The following OTUD7B variants were observed in gnomAD, a reference collection of about 807,000 sequenced individuals.
OTUD7B encodes OTU deubiquitinase 7B.
In OTUD7B, 34 loss-of-function variants were observed where a neutral mutation model predicts 82.2. That is an observed-to-expected ratio of 0.41 (90% CI 0.31 to 0.55). OTUD7B has a LOEUF of 0.55. Ranked by LOEUF, OTUD7B falls within the 20% of genes least tolerant of loss-of-function variation. The probability of loss-of-function intolerance (pLI) is 0.20; values close to 1 mark genes in which losing one functional copy is unlikely to be tolerated. For missense variants in OTUD7B, 944 were observed against 1,062.1 expected, an observed-to-expected ratio of 0.89 and a Z score of 1.55; for synonymous variants, 398 against 402.7, an observed-to-expected ratio of 0.99 and a Z score of 0.14.
chr1:150,036,930 C>A, the OTUD7B span, among the ~76,000 whole-genome samples: 2 of 152,104 alleles, frequency 1.3e-5, no homozygotes, highest in African/African-American at 4.8e-5. Context: ...CTAGTAAGAT[C>A]TAAATGGAAG....
intron 1 of OTUD7B, among the ~76,000 whole-genome samples, chr1:149,985,956 T>C (rs1651105543): frequency 6.6e-6 from 1 of 152,138 alleles, no homozygotes. Flanking sequence ...TCACCTCTTC[T>C]TTAAAACTAA....
chr1:150,063,426 G>C, the OTUD7B span, among the ~76,000 whole-genome samples: 5 of 152,158 alleles, frequency 3.3e-5, no homozygotes, highest in Non-Finnish European at 2.9e-5. Context: ...CTCCAGCCTG[G>C]GTGACAGAGC....
chr1:150,052,781 G>C, the OTUD7B span, among the ~76,000 whole-genome samples: 1 of 150,440 alleles, frequency 6.6e-6, no homozygotes, highest in Non-Finnish European at 1.5e-5. Context: ...AAAACAGCAT[G>C]GTACTGGTAA....
chr1:150,028,811 C>T, the OTUD7B span, among the ~76,000 whole-genome samples: 1 of 152,214 alleles, frequency 6.6e-6, no homozygotes, highest in African/African-American at 2.4e-5. Context: ...GCTGGGATTA[C>T]AGGCGTGAGC....
intron 11 of OTUD7B, among the ~76,000 whole-genome samples, chr1:149,946,277 C>T (rs1322824442): frequency 3.3e-5 from 5 of 151,698 alleles, no homozygotes; most frequent in African/African-American, 9.7e-5. Flanking sequence ...GCAGGAGAAT[C>T]GCTTGAACCC....
At chr1:150,015,587 G>A (rs1653243965), upstream of OTUD7B, among the ~76,000 whole-genome samples, 1 of 152,080 alleles carries the variant, frequency 6.6e-6, no homozygotes, top group Non-Finnish European at 1.5e-5. Context: ...GACATTACAA[G>A]TGTGAGCCAC....
intron 10 of OTUD7B, among the ~76,000 whole-genome samples, chr1:149,948,061 C>T (rs1647889121): frequency 6.6e-6 from 1 of 152,200 alleles, no homozygotes; most frequent in Non-Finnish European, 1.5e-5. Flanking sequence ...CTCACTGCAA[C>T]CTCCGCCTCC....
chr1:149,950,584 T>C (rs73008175), intron 7 of OTUD7B, among the ~76,000 whole-genome samples: 31 of 152,268 alleles, frequency 2.0e-4, no homozygotes, highest in African/African-American at 7.2e-4. Context: ...TTATTTTATA[T>C]ACTACAGCCA....
At chr1:150,040,174 T>C in the OTUD7B span, among the ~76,000 whole-genome samples, 1 of 152,194 alleles carries the variant, frequency 6.6e-6, no homozygotes. Context: ...TTATCAGGAA[T>C]GGGAGTTAAA....
intron 1 of OTUD7B, among the ~76,000 whole-genome samples, chr1:150,005,443 T>A (rs889062476): frequency 2.6e-5 from 4 of 152,192 alleles, no homozygotes; most frequent in African/African-American, 9.7e-5. Flanking sequence ...GATTCCTGAC[T>A]TTTCCACCTG....
the OTUD7B span, among the ~76,000 whole-genome samples, chr1:150,064,085 T>C: frequency 6.6e-6 from 1 of 152,212 alleles, no homozygotes; most frequent in Non-Finnish European, 1.5e-5. Context: ...GAAATACATA[T>C]AACCATAAGT....
upstream of OTUD7B, among the ~76,000 whole-genome samples, chr1:150,012,399 T>C (rs1339284022): frequency 2.6e-5 from 4 of 152,158 alleles, no homozygotes; most frequent in African/African-American, 9.7e-5. Context: ...TCTGGAATGA[T>C]TGTGACAACA....
At chr1:150,026,073 A>G in the OTUD7B span, among the ~76,000 whole-genome samples, 23 of 152,344 alleles carry the variant, frequency 1.5e-4, no homozygotes, top group African/African-American at 5.3e-4. Flanking sequence ...CTAGAATTTT[A>G]TGGAGAAATA....
chr1:149,981,617 G>T (rs935359081), intron 1 of OTUD7B, among the ~76,000 whole-genome samples: 1 of 151,884 alleles, frequency 6.6e-6, no homozygotes, highest in Non-Finnish European at 1.5e-5. Context: ...GAGCCAAACA[G>T]TGGCCTTATT....
chr1:150,053,374 T>C, the OTUD7B span, among the ~76,000 whole-genome samples: 1 of 151,936 alleles, frequency 6.6e-6, no homozygotes, highest in East Asian at 1.9e-4. Context: ...GCAAAGGACA[T>C]GAACACTTTT....
At chr1:149,959,086 G>A (rs1390775014) in intron 7 of OTUD7B, among the ~76,000 whole-genome samples, 1 of 151,996 alleles carries the variant, frequency 6.6e-6, no homozygotes, top group Non-Finnish European at 1.5e-5. Flanking sequence ...GCTGGGCGTG[G>A]TGGCATGCAT....
At position 149,959,848 on chromosome 1, in the gene OTUD7B, G is replaced by C. The variant is rs782266562; in HGVS notation, c.733-52C>G. ...TGGGCAATTAGAGGCTGGGTTCTAA[G>C]AGGCAATACCTATTCCACCTTATTC... On this transcript the variant is annotated intron_variant, in intron 6 of 11. Transcript: ENST00000581312. 11 of 1,142,186 alleles carry C rather than the reference G, an allele frequency of 9.6e-6. No individual in the cohort carries two copies. The African/African-American group carries it at 1.2e-4, about 13-fold the overall frequency. The allele number at this position is 1,142,186 out of a possible 1,614,324, so 70.8% of individuals were successfully genotyped here.
chr1:149,949,729 T>A lies in OTUD7B; in HGVS notation c.1023A>T (p.Pro341=). Residue 341 remains proline, a synonymous_variant, in exon 9 of 12, where the codon CCA becomes CCT. Coordinates refer to ENST00000581312, the MANE Select transcript of OTUD7B (RefSeq NM_020205.4). ...FGGIYLPLEV[P]ASQCHRSPLV... ...GAGGGGAGCGGTGACACTGGCTGGC[T>A]GGGACCTCCAAAGGCAGATAGATTC... The A allele has an allele frequency of 6.2e-7, 1 of 1,614,202 alleles. No individual in the cohort carries two copies.
the OTUD7B span, among the ~76,000 whole-genome samples, chr1:150,051,615 C>T: frequency 3.3e-5 from 5 of 152,096 alleles, no homozygotes; most frequent in African/African-American, 1.2e-4. Flanking sequence ...GGAAGTTATT[C>T]AACTTCTCTG....
Sources: allele counts gnomAD v4.1 joint callset (sites outside exome capture counted in the v4.1 genomes callset), GRCh38; gene constraint gnomAD v4.1.1; transcripts MANE v1.5; gene names NCBI Gene and HGNC (gene_info 2026-07-23, HGNC 2026-07-21).